The following ANO6 variants were observed in gnomAD, a reference collection of about 807,000 sequenced individuals.
The protein encoded by ANO6 is anoctamin-6.
Under a neutral mutation model 117.5 loss-of-function variants are expected in ANO6, and 106 were observed. The ratio of observed to expected loss-of-function variants is 0.90; its 90% CI spans 0.77 to 1.06. The LOEUF is 1.06. ANO6 is among the 50% of genes least tolerant of loss of function. ANO6 has a pLI of 0.00. For synonymous variants in ANO6, 367 were observed against 385.1 expected (o/e 0.95, Z 0.55); for missense variants, 955 against 1,121.1 (o/e 0.85, Z 2.12).
At chr12:45,317,970 T>G (rs1339288952) in intron 2 of ANO6, among the ~76,000 whole-genome samples, 1 of 152,158 alleles carries the variant, frequency 6.6e-6, no homozygotes, top group Non-Finnish European at 1.5e-5. Context: ...GATGGGGTTG[T>G]TTGTTTGTTT....
At chr12:45,250,474 C>T (rs1414524701) in intron 1 of ANO6, among the ~76,000 whole-genome samples, 2 of 152,088 alleles carry the variant, frequency 1.3e-5, no homozygotes, top group African/African-American at 2.4e-5. Flanking sequence ...CTCACTGCAG[C>T]GTCGAACTCC....
rs190880805 is a variant in ANO6, at chr12:45,219,612, G to C, written c.70+3221G>C. 1.2e-3 allele frequency among the ~76,000 whole-genome samples: 184 copies of C among 151,294 alleles called. 1 individual carries two copies. The highest frequency in any genetic ancestry group is 3.6e-3 in the Admixed American group (54 of 15,146). On this transcript the variant is annotated intron_variant, in intron 1 of 19. Transcript: ENST00000320560. ...TCCTACCTCGGCTTCCCAAAGTGCT[G>C]GGATTACAGGTGTGAGCCACCATGC...
At chr12:45,309,329 T>TTA (rs1327502446) in intron 2 of ANO6, among the ~76,000 whole-genome samples, 1 of 152,144 alleles carries the variant, frequency 6.6e-6, no homozygotes, top group African/African-American at 2.4e-5. Flanking sequence ...AATTTGGAAA[T>TTA]TATAGACTTT....
intron 7 of ANO6, among the ~76,000 whole-genome samples, chr12:45,351,800 G>T (rs747894632): frequency 6.6e-6 from 1 of 152,146 alleles, no homozygotes; most frequent in Non-Finnish European, 1.5e-5. Flanking sequence ...CAGGAGCGCC[G>T]AAAAGAGTTT....
chr12:45,424,340 T>TG (rs1943444080), intron 19 of ANO6, among the ~76,000 whole-genome samples: 1 of 119,466 alleles, frequency 8.4e-6, no homozygotes, highest in Non-Finnish European at 1.8e-5. Flanking sequence ...TTTTTTTTTT[T>TG]TTTTTTTTTT....
intron 2 of ANO6, among the ~76,000 whole-genome samples, chr12:45,320,737 T>A (rs1293150126): frequency 1.3e-5 from 2 of 152,158 alleles, no homozygotes; most frequent in African/African-American, 4.8e-5. Flanking sequence ...CTCCCATTAT[T>A]ATTGTGTGGG....
rs1022783598 is a variant in ANO6, at chr12:45,401,605, CTT to C, written c.1387-187_1387-186del. 4.8e-4 allele frequency among the ~76,000 whole-genome samples: 73 copies of C among 152,308 alleles called. 1 individual carries two copies. Among genetic ancestry groups the C allele is most frequent in the African/African-American group, 1.8e-3 (73 of 41,576 alleles). ...TGTTTTACATATGTGGATGCGCCTT[CTT>C]TTCACTTCCATCATTCCTTTTTCTT... On this transcript the variant is annotated intron_variant, in intron 12 of 19. Coordinates refer to ENST00000320560, the MANE Select transcript of ANO6 (RefSeq NM_001025356.3).
At chr12:45,356,670 G>A (rs1941419124) in intron 7 of ANO6, among the ~76,000 whole-genome samples, 1 of 152,114 alleles carries the variant, frequency 6.6e-6, no homozygotes, top group Non-Finnish European at 1.5e-5. Context: ...GGCTGAGGAG[G>A]AGGAAAAAGA....
rs764533208 is a variant in ANO6 at position 45,409,415 on chromosome 12, C to T, written c.1939C>T (p.Pro647Ser). 6 of 1,613,956 alleles carry T rather than the reference C, an allele frequency of 3.7e-6. No homozygotes were observed. Among genetic ancestry groups the T allele is most frequent in the East Asian group, 2.2e-5 (1 of 44,868 alleles). The part of the protein sequence containing the change: ...HRVSGSEKIT[P>S]RWEQDYHLQP... Reference sequence around the variant, plus strand: ...AGTTTCTGGATCAGAAAAGATAACCCCACGATGGGAACAGGACTACCATCT... The same window carrying T: ...AGTTTCTGGATCAGAAAAGATAACCTCACGATGGGAACAGGACTACCATCT... Residue 647 changes from proline to serine, a missense_variant, in exon 16 of 20, where the codon CCA becomes TCA. Coordinates refer to ENST00000320560, the MANE Select transcript of ANO6 (RefSeq NM_001025356.3).
intron 1 of ANO6, among the ~76,000 whole-genome samples, chr12:45,247,326 T>A (rs995881403): frequency 1.4e-4 from 22 of 152,226 alleles, no homozygotes; most frequent in African/African-American, 5.1e-4. Flanking sequence ...GCAACATATA[T>A]TAAGTGCCAG....
At chr12:45,416,550 T>G (rs909007701) in intron 16 of ANO6, 149 bp from the exon 17 acceptor site, 14 of 725,632 alleles carry the variant, frequency 1.9e-5, no homozygotes, top group Non-Finnish European at 3.1e-5. Context: ...TTTGAATTCT[T>G]TCACTGTTGA....
At chr12:45,396,397 C>T (rs1228821472) in intron 12 of ANO6, among the ~76,000 whole-genome samples, 2 of 152,116 alleles carry the variant, frequency 1.3e-5, no homozygotes, top group African/African-American at 2.4e-5. Flanking sequence ...GAATCAATAT[C>T]GTGAAAATGG....
chr12:45,438,082 G>A lies in ANO6; in HGVS notation c.2527-1593G>A, dbSNP rs538678048. Among the ~76,000 whole-genome samples the A allele has an allele frequency of 2.0e-5, 3 of 152,206 alleles. No homozygotes were observed. The South Asian group carries it at 6.3e-4, about 32-fold the overall frequency. ...CTAGTAAAGCTCTGTCTCTGATGCAGGGTCTGCGCTGGTGCTTCCGCTCAG... is the reference window on the plus strand; with the variant it reads ...CTAGTAAAGCTCTGTCTCTGATGCAAGGTCTGCGCTGGTGCTTCCGCTCAG... On this transcript the variant is annotated intron_variant, in intron 19 of 19. Transcript: ENST00000425752.
chr12:45,353,861 G>A (rs1941344043), intron 7 of ANO6, among the ~76,000 whole-genome samples: 1 of 152,016 alleles, frequency 6.6e-6, no homozygotes, highest in Admixed American at 6.6e-5. Context: ...TCTAGCTCTT[G>A]GAAACTGAAA....
intron 18 of ANO6, among the ~76,000 whole-genome samples, chr12:45,422,011 G>A (rs1439298950): frequency 6.6e-6 from 1 of 152,140 alleles, no homozygotes. Flanking sequence ...ATGCAACCAG[G>A]AAACCAGAAA....
chr12:45,341,335 A>G (rs193006428), intron 3 of ANO6, among the ~76,000 whole-genome samples: 58 of 152,340 alleles, frequency 3.8e-4, no homozygotes, highest in Admixed American at 3.3e-3. Context: ...TAATGGATGC[A>G]CAAGATTTTT....
At chr12:45,401,470 T>C (rs1398128467) in intron 12 of ANO6, among the ~76,000 whole-genome samples, 1 of 152,228 alleles carries the variant, frequency 6.6e-6, no homozygotes, top group Non-Finnish European at 1.5e-5. Flanking sequence ...AGATACTCTT[T>C]TTTAAATAGA....
chr12:45,423,004 A>T lies in ANO6; in HGVS notation c.2468A>T (p.His823Leu). ...CCTGGACACCCCCAGGAGTATAAACACAACATCTACTATTGGCATGTGATT... is the reference window on the plus strand; with the variant it reads ...CCTGGACACCCCCAGGAGTATAAACTCAACATCTACTATTGGCATGTGATT... ...YPPGHPQEYKHNIYYWHVIAA... is the reference protein window; with the variant it reads ...YPPGHPQEYKLNIYYWHVIAA... The change falls in exon 19 of 20, where the codon CAC (histidine) becomes CTC (leucine). Residue 823 changes from histidine (H) to leucine (L), a missense_variant. By Grantham distance (99) the His-to-Leu change is moderately conservative (BLOSUM62 -3). Transcript: ENST00000320560. The T allele has an allele frequency of 1.2e-6, 2 of 1,614,152 alleles. No homozygotes were observed. The highest frequency in any genetic ancestry group is 1.7e-6 in the Non-Finnish European group (2 of 1,179,988).
At chr12:45,386,200 G>A (rs1942293789) in intron 10 of ANO6, among the ~76,000 whole-genome samples, 1 of 152,144 alleles carries the variant, frequency 6.6e-6, no homozygotes, top group African/African-American at 2.4e-5. Context: ...TGCAGCCAGG[G>A]TGTGATTACT....
Sources: allele counts gnomAD v4.1 joint callset (sites outside exome capture counted in the v4.1 genomes callset), GRCh38; gene constraint gnomAD v4.1.1; transcripts MANE v1.5; gene names NCBI Gene and HGNC (gene_info 2026-07-23, HGNC 2026-07-21).